Variants in ZNF83 observed in about 807,000 individuals in gnomAD.
The protein encoded by ZNF83 is zinc finger protein 816B.
For missense variants in ZNF83, 552 were observed against 629.9 expected (o/e 0.88, Z 1.32); for synonymous variants, 209 against 213.0 (o/e 0.98, Z 0.17).
At chr19:52,644,532 T>C (rs551741577) in intron 3 of ZNF83, among the ~76,000 whole-genome samples, 1 of 152,220 alleles carries the variant, frequency 6.6e-6, no homozygotes, top group South Asian at 2.1e-4. Flanking sequence ...GTCTTCCACA[T>C]ACCTGGGCTA....
intron 1 of ZNF83, among the ~76,000 whole-genome samples, chr19:52,669,290 G>A (rs4801927): frequency 0.62 from 93,496 of 151,864 alleles, 29,044 homozygotes; most frequent in Admixed American, 0.72. Context: ...CACAATTAGA[G>A]TCCCATGGGG....
intron 1 of ZNF83, among the ~76,000 whole-genome samples, chr19:52,688,612 C>T (rs1252537198): frequency 1.3e-5 from 2 of 151,934 alleles, no homozygotes; most frequent in African/African-American, 4.8e-5. Context: ...TGCTGTTTAT[C>T]CCCTTCTTCA....
At chr19:52,624,488 C>T (rs2060662290) in intron 2 of ZNF83, among the ~76,000 whole-genome samples, 1 of 152,154 alleles carries the variant, frequency 6.6e-6, no homozygotes, top group Non-Finnish European at 1.5e-5. Flanking sequence ...CTAACAAAAC[C>T]ATTGTATCAA....
chr19:52,620,292 G>GTGTGTGTGTGTGTGTGTGTGTGTA (rs1568534871), intron 2 of ZNF83, among the ~76,000 whole-genome samples: 1 of 149,210 alleles, frequency 6.7e-6, no homozygotes, highest in East Asian at 1.9e-4. Flanking sequence ...GTGTGTGTGT[G>GTGTGTGTGTGTGTGTGTGTGTGTA]TATATATAGT....
At chr19:52,686,223 C>T (rs960968458) in intron 1 of ZNF83, among the ~76,000 whole-genome samples, 2 of 151,890 alleles carry the variant, frequency 1.3e-5, no homozygotes, top group Non-Finnish European at 2.9e-5. Context: ...ATGCAGACCT[C>T]GATCTGAACT....
intron 3 of ZNF83, among the ~76,000 whole-genome samples, chr19:52,645,808 C>T (rs1425540488): frequency 6.7e-6 from 1 of 149,136 alleles, no homozygotes; most frequent in Admixed American, 6.8e-5. Flanking sequence ...TTCTGCCCCC[C>T]CCCAAAAAAA....
intron 1 of ZNF83, among the ~76,000 whole-genome samples, chr19:52,686,836 G>T (rs7259474): frequency 6.6e-6 from 1 of 151,760 alleles, no homozygotes; most frequent in East Asian, 2.0e-4. Context: ...GTCTCCCAAA[G>T]TGCTGGGATT....
At chr19:52,687,643 A>T (rs796396095) in intron 1 of ZNF83, among the ~76,000 whole-genome samples, 2 of 36,564 alleles carry the variant, frequency 5.5e-5, no homozygotes, top group African/African-American at 6.0e-4. Flanking sequence ...GTATATATAT[A>T]TATATATATA....
chr19:52,616,561 T>C (rs1052115709), intron 2 of ZNF83, among the ~76,000 whole-genome samples: 4 of 152,106 alleles, frequency 2.6e-5, no homozygotes, highest in African/African-American at 9.7e-5. Flanking sequence ...AGAACGAGGT[T>C]GGCAGGACAC....
intron 1 of ZNF83, among the ~76,000 whole-genome samples, chr19:52,677,788 CTT>C (rs762953190): frequency 6.6e-5 from 10 of 152,182 alleles, no homozygotes; most frequent in East Asian, 5.8e-4. Context: ...AGTCCCAACA[CTT>C]TGGGAAGTGG....
chr19:52,640,420 A>G (rs2061286158), upstream of ZNF83, among the ~76,000 whole-genome samples: 1 of 152,200 alleles, frequency 6.6e-6, no homozygotes, highest in South Asian at 2.1e-4. Flanking sequence ...TTGGTTATGG[A>G]TTGATACAAT....
chr19:52,675,438 C>T (rs560539992), intron 1 of ZNF83, among the ~76,000 whole-genome samples: 8 of 152,118 alleles, frequency 5.3e-5, no homozygotes, highest in Non-Finnish European at 8.8e-5. Flanking sequence ...GGGACACAAG[C>T]GCTGAGCTGC....
At chr19:52,653,216 A>G (rs2061466046) in intron 3 of ZNF83, 2 of 1,533,448 alleles carry the variant, frequency 1.3e-6, no homozygotes, top group African/African-American at 1.4e-5. Flanking sequence ...GTCTTGCCAC[A>G]CTCATTACAC....
chr19:52,660,510 T>C (rs746129071), intron 2 of ZNF83, among the ~76,000 whole-genome samples: 3 of 150,476 alleles, frequency 2.0e-5, no homozygotes, highest in Non-Finnish European at 4.4e-5. Context: ...CACAGCTGCT[T>C]GGGATGCTGA....
chr19:52,631,148 A>T (rs1024224083), intron 2 of ZNF83, among the ~76,000 whole-genome samples: 18 of 147,530 alleles, frequency 1.2e-4, no homozygotes, highest in African/African-American at 4.0e-4. Flanking sequence ...AAGGCTTCAC[A>T]GACAGCCCCC....
At chr19:52,613,817 G>C in exon 3 of ZNF83, 12 of 1,613,806 alleles carry the variant, frequency 7.4e-6, no homozygotes, top group Non-Finnish European at 1.0e-5. Flanking sequence ...ATCAGATGTT[G>C]TACAAGGTAG....
chr19:52,656,207 CGT>C (rs1491414098), intron 2 of ZNF83, among the ~76,000 whole-genome samples: 58 of 88,738 alleles, frequency 6.5e-4, no homozygotes, highest in South Asian at 1.5e-3. Context: ...AGTGAGACTC[CGT>C]CTCTCTCTCT....
chr19:52,657,755 G>C (rs2061525222), intron 2 of ZNF83, among the ~76,000 whole-genome samples: 1 of 151,930 alleles, frequency 6.6e-6, no homozygotes. Flanking sequence ...GCTGAGGCAG[G>C]AGAATCGCTT....
At chr19:52,660,210 C>T (rs1438050615) in intron 2 of ZNF83, among the ~76,000 whole-genome samples, 10 of 152,082 alleles carry the variant, frequency 6.6e-5, no homozygotes, top group Non-Finnish European at 1.3e-4. Flanking sequence ...AGAGAGGGCA[C>T]CTCTGCAGCT....
Sources: allele counts gnomAD v4.1 joint callset (sites outside exome capture counted in the v4.1 genomes callset), GRCh38; gene constraint gnomAD v4.1.1; transcripts MANE v1.5; gene names NCBI Gene and HGNC (gene_info 2026-07-23, HGNC 2026-07-21).